COMMD10: variants seen among roughly 807,000 people sequenced by gnomAD.
The protein encoded by COMMD10 is COMM domain containing 10, also known as COMM domain-containing protein 10.
A neutral mutation model predicts 28.9 loss-of-function variants in COMMD10; 33 were observed. The ratio of observed to expected loss-of-function variants is 1.14; its 90% CI spans 0.87 to 1.53. The LOEUF (loss-of-function observed/expected upper bound fraction) is 1.53, where lower values mean the gene tolerates loss of function less well. COMMD10 is among the 40% of genes most tolerant of loss of function. The pLI is 0.00. For missense variants in COMMD10, 310 were observed against 233.4 expected (o/e 1.33, Z -2.14); for synonymous variants, 110 against 81.7 (o/e 1.35, Z -1.87).
At chr5:116,244,156 TAAAG>T (rs1342781520) in intron 5 of COMMD10, among the ~76,000 whole-genome samples, 1 of 124,178 alleles carries the variant, frequency 8.1e-6, no homozygotes, top group African/African-American at 4.7e-5. Context: ...GCTTTTTTCT[TAAAG>T]AAAATATAGG....
intron 5 of COMMD10, among the ~76,000 whole-genome samples, chr5:116,268,555 G>A (rs891189693): frequency 1.3e-5 from 2 of 151,866 alleles, no homozygotes; most frequent in Non-Finnish European, 2.9e-5. Context: ...ATTCCTCAAG[G>A]ATCTAGAACT....
intron 5 of COMMD10, among the ~76,000 whole-genome samples, chr5:116,274,954 C>G (rs371411085): frequency 6.6e-6 from 1 of 151,760 alleles, no homozygotes; most frequent in Non-Finnish European, 1.5e-5. Context: ...GTTTGTACAT[C>G]TAATGGCCTG....
rs915050807 is a variant in COMMD10, at chr5:116,087,426, T to G, written c.42-71T>G. 7 of 897,322 alleles carry G rather than the reference T, an allele frequency of 7.8e-6. No homozygotes were observed. The African/African-American group carries it at 1.2e-4, about 15-fold the overall frequency. 55.6% of individuals were successfully genotyped at this position (897,322 alleles called of 1,614,324 possible). On this transcript the variant is annotated intron_variant, in intron 1 of 6. Transcript: ENST00000274458. ...TCAGAGTTGTTGGAATGAAAACTTATAGACAACTATAGAAAGTGCAGTTCA... is the reference window on the plus strand; with the variant it reads ...TCAGAGTTGTTGGAATGAAAACTTAGAGACAACTATAGAAAGTGCAGTTCA...
chr5:116,233,461 G>T (rs1265220215), intron 5 of COMMD10, among the ~76,000 whole-genome samples: 2 of 152,072 alleles, frequency 1.3e-5, no homozygotes, highest in African/African-American at 4.8e-5. Flanking sequence ...GTTTATGAAA[G>T]TCCTTGACCC....
chr5:116,160,615 T>C (rs576597340), intron 5 of COMMD10, among the ~76,000 whole-genome samples: 1 of 151,860 alleles, frequency 6.6e-6, no homozygotes, highest in South Asian at 2.1e-4. Context: ...GAAGAACTGC[T>C]ATCTGTGAAA....
intron 5 of COMMD10, among the ~76,000 whole-genome samples, chr5:116,284,797 G>A (rs1751175153): frequency 6.6e-6 from 1 of 151,740 alleles, no homozygotes; most frequent in East Asian, 1.9e-4. Flanking sequence ...TGACTCATAG[G>A]CCAGAAGTAT....
chr5:116,281,652 C>A (rs1171036245), intron 5 of COMMD10, among the ~76,000 whole-genome samples: 1 of 151,594 alleles, frequency 6.6e-6, no homozygotes, highest in Non-Finnish European at 1.5e-5. Context: ...ATTTAGTTAA[C>A]AATATTAGTG....
intron 5 of COMMD10, among the ~76,000 whole-genome samples, chr5:116,255,276 T>C (rs1750250017): frequency 1.3e-5 from 2 of 151,818 alleles, no homozygotes; most frequent in African/African-American, 4.9e-5. Flanking sequence ...TGTCTTTTAG[T>C]TGGAGCATTT....
intron 4 of COMMD10, among the ~76,000 whole-genome samples, chr5:116,133,098 CCTGCCATT>C (rs1312215581): frequency 2.0e-5 from 3 of 152,084 alleles, no homozygotes; most frequent in Non-Finnish European, 2.9e-5. Context: ...AAATTGTGAG[CCTGCCATT>C]CTTACCCAGT....
intron 5 of COMMD10, among the ~76,000 whole-genome samples, chr5:116,253,897 G>T (rs528516021): frequency 2.4e-3 from 362 of 151,284 alleles, no homozygotes; most frequent in Non-Finnish European, 4.2e-3. Flanking sequence ...TGTACCTCTG[G>T]TAGAATTCGG....
rs140802378 is a variant in COMMD10, at chr5:116,124,687, T to A, written c.400-9381T>A. On this transcript the variant is annotated intron_variant, in intron 4 of 6. Transcript: ENST00000274458. ...AGTGGGGTGTTAAAGTCTCCCATTG[T>A]TATTGTATGGGAGTCTAAGTCTCTT... 1.9e-3 allele frequency among the ~76,000 whole-genome samples: 290 copies of A among 152,296 alleles called. 3 individuals are homozygous for A. The highest frequency in any genetic ancestry group is 6.6e-3 in the African/African-American group (274 of 41,566).
chr5:116,129,367 A>G (rs1031177133), intron 4 of COMMD10, among the ~76,000 whole-genome samples: 6 of 145,406 alleles, frequency 4.1e-5, no homozygotes, highest in Non-Finnish European at 6.0e-5. Flanking sequence ...GCTATATACT[A>G]TAGTATTTTA....
chr5:116,219,874 G>A (rs1391100089), intron 5 of COMMD10, among the ~76,000 whole-genome samples: 2 of 151,846 alleles, frequency 1.3e-5, no homozygotes, highest in Non-Finnish European at 2.9e-5. Flanking sequence ...CTATTTTTTT[G>A]TAAACTGCCT....
chr5:116,281,036 C>T (rs2112708111), intron 5 of COMMD10, among the ~76,000 whole-genome samples: 1 of 151,930 alleles, frequency 6.6e-6, no homozygotes, highest in South Asian at 2.1e-4. Flanking sequence ...TATTCTATCT[C>T]CTGATTTTCT....
At chr5:116,203,458 A>G (rs1347490603) in intron 5 of COMMD10, among the ~76,000 whole-genome samples, 3 of 152,112 alleles carry the variant, frequency 2.0e-5, no homozygotes, top group East Asian at 3.9e-4. Flanking sequence ...CAAAGTTGCA[A>G]TGAAGGAAAA....
intron 5 of COMMD10, among the ~76,000 whole-genome samples, chr5:116,234,759 C>CT (rs1460108904): frequency 6.6e-6 from 1 of 152,160 alleles, no homozygotes; most frequent in East Asian, 1.9e-4. Flanking sequence ...GATAATTTCA[C>CT]TTATAAGGGT....
intron 5 of COMMD10, among the ~76,000 whole-genome samples, chr5:116,288,689 A>T (rs1019632068): frequency 2.6e-5 from 4 of 151,600 alleles, no homozygotes; most frequent in Non-Finnish European, 5.9e-5. Flanking sequence ...AAGTTCACTG[A>T]TTCTTCATTC....
intron 5 of COMMD10, among the ~76,000 whole-genome samples, chr5:116,251,513 A>G (rs537614377): frequency 2.0e-4 from 29 of 146,828 alleles, no homozygotes; most frequent in Admixed American, 1.3e-3. Flanking sequence ...TCATTGTTCA[A>G]TTCCCACCTA....
chr5:116,206,761 A>G (rs1346086609), intron 5 of COMMD10, among the ~76,000 whole-genome samples: 2 of 152,204 alleles, frequency 1.3e-5, no homozygotes, highest in African/African-American at 2.4e-5. Flanking sequence ...TACAATTCAT[A>G]TGTACTCTAT....
Sources: allele counts gnomAD v4.1 joint callset (sites outside exome capture counted in the v4.1 genomes callset), GRCh38; gene constraint gnomAD v4.1.1; transcripts MANE v1.5; gene names NCBI Gene and HGNC (gene_info 2026-07-23, HGNC 2026-07-21).